IGDCC4: variants seen among roughly 807,000 people sequenced by gnomAD.
The protein encoded by IGDCC4 is immunoglobulin superfamily DCC subclass member 4.
A neutral mutation model predicts 116.6 loss-of-function variants in IGDCC4; 72 were observed. That is an observed-to-expected ratio of 0.62 (90% CI 0.51 to 0.75). IGDCC4 has a LOEUF of 0.75. Ranked by LOEUF, IGDCC4 falls within the 30% of genes least tolerant of loss-of-function variation. The pLI is 0.00. For missense variants in IGDCC4, 1,501 were observed against 1,662.4 expected, an observed-to-expected ratio of 0.90 and a Z score of 1.69; for synonymous variants, 709 against 719.9, an observed-to-expected ratio of 0.98 and a Z score of 0.24.
intron 16 of IGDCC4, among the ~76,000 whole-genome samples, chr15:65,387,865 T>G (rs761656348): frequency 1.9e-4 from 29 of 152,100 alleles, no homozygotes; most frequent in Non-Finnish European, 3.7e-4. Flanking sequence ...ATCCCAGCAC[T>G]TTGGGAGGAC....
intron 3 of IGDCC4, among the ~76,000 whole-genome samples, chr15:65,404,212 G>GA (rs1328363716): frequency 1.3e-5 from 2 of 152,136 alleles, no homozygotes; most frequent in African/African-American, 4.8e-5. Flanking sequence ...AGGACTTAGA[G>GA]AAAAAAAGCA....
At chr15:65,388,718 C>T in intron 15 of IGDCC4, 90 bp downstream of exon 15, 2 of 1,597,052 alleles carry the variant, frequency 1.3e-6, no homozygotes, top group East Asian at 2.2e-5. Flanking sequence ...CCCAGTAGCC[C>T]CTGGAACAAA....
chr15:65,400,698 G>A, intron 5 of IGDCC4, 108 bp downstream of exon 5: 1 of 1,382,514 alleles, frequency 7.2e-7, no homozygotes, highest in Non-Finnish European at 9.8e-7. Context: ...CACACCAGAA[G>A]GTTCGTGACC....
At chr15:65,408,025 C>T (rs2063056291) in intron 3 of IGDCC4, among the ~76,000 whole-genome samples, 1 of 152,126 alleles carries the variant, frequency 6.6e-6, no homozygotes, top group African/African-American at 2.4e-5. Context: ...CGCCTTGGCT[C>T]CCAAAGTGTT....
At position 65,385,712 on chromosome 15, in the gene IGDCC4, A is replaced by AG. The variant is rs1186530495; in HGVS notation, c.3180+118dup. 4.8e-6 allele frequency: 4 copies of AG among 841,636 alleles called. No homozygotes were observed. The East Asian group carries it at 9.9e-5, about 21-fold the overall frequency. The allele number at this position is 841,636 out of a possible 1,614,324, so 52.1% of individuals were successfully genotyped here. On this transcript the variant is annotated intron_variant, in intron 18 of 19. Coordinates refer to ENST00000352385, the MANE Select transcript of IGDCC4 (RefSeq NM_020962.3). ...TCCGTGGAGGAGGGAGAGAGGCCCT[A>AG]GCGTCCGCAGCCGGCTCCGAAGAGG...
intron 10 of IGDCC4, among the ~76,000 whole-genome samples, chr15:65,392,621 G>A (rs572215541): frequency 3.0e-4 from 46 of 152,122 alleles, no homozygotes; most frequent in Admixed American, 2.6e-4. Context: ...AGGGGTGTCC[G>A]CTGGGCATTT....
intron 6 of IGDCC4, 143 bp from the exon 7 acceptor site, chr15:65,396,306 A>C: frequency 2.3e-6 from 2 of 872,286 alleles, no homozygotes; most frequent in South Asian, 1.4e-5. Context: ...CACCCTTTCC[A>C]AACTACTCCG....
intron 1 of IGDCC4, among the ~76,000 whole-genome samples, chr15:65,420,110 C>T (rs189475094): frequency 6.6e-6 from 1 of 152,226 alleles, no homozygotes; most frequent in Non-Finnish European, 1.5e-5. Flanking sequence ...CCACACCTGG[C>T]CAACTTTTGT....
rs769406637 is a variant in IGDCC4, at chr15:65,386,639, A to G, written c.2863T>C (p.Ser955Pro). ...ACACCCACGATGATGCCCGTGACTG[A>G]GTGCATGTCCAGCGAGTCTGGTGGG... ...EKLSDSLDMH[S>P]VTGIIVGVCL... The change falls in exon 17 of 20, where the codon TCA becomes CCA. Residue 955 changes from serine to proline, a missense_variant. Physicochemically the swap from Ser to Pro is moderately conservative, Grantham distance 74. Transcript: ENST00000352385. The G allele has an allele frequency of 3.1e-5, 50 of 1,611,916 alleles. 1 individual carries two copies. In the South Asian group the frequency reaches 5.5e-4, roughly 18 times the overall value.
chr15:65,415,651 G>A (rs1350487085), intron 1 of IGDCC4, among the ~76,000 whole-genome samples: 3 of 152,176 alleles, frequency 2.0e-5, no homozygotes, highest in African/African-American at 7.2e-5. Context: ...CTGGGGAGGG[G>A]TCTCATCTCT....
chr15:65,397,069 C>G, intron 5 of IGDCC4, 80 bp from the exon 6 acceptor site: 1 of 1,494,948 alleles, frequency 6.7e-7, no homozygotes, highest in Non-Finnish European at 9.1e-7. Flanking sequence ...CAGGAACACT[C>G]TGCACCCGGA....
At chr15:65,390,466 C>A in intron 12 of IGDCC4, 128 bp from the exon 13 acceptor site, 6 of 678,496 alleles carry the variant, frequency 8.8e-6, no homozygotes, top group Non-Finnish European at 1.3e-5. Context: ...TGAGTGGCAT[C>A]ATTCCTACTT....
In IGDCC4 at chr15:65,411,367, T is replaced by C; in HGVS notation, c.74A>G (p.Glu25Gly). ...AGTCGTCTCCTGGGGCAACAGCAGC[T>C]CCCCTGCATAGAGGAGGAGCACGGG... ...LTFCLLAARG[E>G]LLLPQETTVE... The change falls in exon 2 of 20, where the codon GAG (glutamate) becomes GGG (glycine). Residue 25 changes from glutamate (E) to glycine (G), a missense_variant. Physicochemically the swap from Glu to Gly is moderately conservative, Grantham distance 98. Around this residue, in one of 3 missense-constraint regions of IGDCC4, gnomAD observed 898 missense variants for 978.9 expected, o/e 0.92. Coordinates refer to ENST00000352385, the MANE Select transcript of IGDCC4 (RefSeq NM_020962.3). 6.4e-7 allele frequency: 1 copy of C among 1,563,376 alleles called. No individual in the cohort carries two copies. Among genetic ancestry groups the C allele is most frequent in the Non-Finnish European group, 8.7e-7 (1 of 1,151,886 alleles).
At position 65,385,850 on chromosome 15, in the gene IGDCC4, C is replaced by T. The variant is rs1211965218; in HGVS notation, c.3161G>A (p.Arg1054Gln). 9.3e-6 allele frequency: 15 copies of T among 1,612,350 alleles called. No individual in the cohort carries two copies. The South Asian group carries it at 1.1e-4, about 12-fold the overall frequency. Residue 1054 changes from arginine (R) to glutamine (Q), a missense_variant, in exon 18 of 20, where the codon CGG becomes CAG. This residue lies in a region of IGDCC4 where 368 missense variants were observed against 355.6 expected (regional missense o/e 1.03). Transcript: ENST00000352385. ...ACTTACCTTTCTTTTGGAGTGACTC[C>T]GGCCTTCAGAAACACCGCCACCCAT... is the stretch of plus-strand genomic sequence containing the variant. ...SLMGGGVSEG[R>Q]SHSKRKISWA...
intron 1 of IGDCC4, among the ~76,000 whole-genome samples, chr15:65,421,780 C>T (rs1031568910): frequency 6.6e-6 from 1 of 151,976 alleles, no homozygotes; most frequent in African/African-American, 2.4e-5. Flanking sequence ...CCAGCCCATC[C>T]CCCTCCCAGC....
At chr15:65,385,523 G>T in intron 18 of IGDCC4, 1 of 549,076 alleles carries the variant, frequency 1.8e-6, no homozygotes. Flanking sequence ...CCCACACGGG[G>T]ATGTCTGGGT....
At chr15:65,415,014 C>T (rs1015981437) in intron 1 of IGDCC4, among the ~76,000 whole-genome samples, 9 of 152,194 alleles carry the variant, frequency 5.9e-5, no homozygotes, top group African/African-American at 2.2e-4. Flanking sequence ...TTTAAAGGCA[C>T]TTTGTAACTA....
In IGDCC4 at chr15:65,395,887, C is replaced by T; in HGVS notation, c.1274G>A (p.Arg425His). Reference sequence around the variant, plus strand: ...CGTGGGGGCGCTGGGCAGCCCCTCGCGCACCACCACGGCCAGCGACGCGGC... The same window carrying T: ...CGTGGGGGCGCTGGGCAGCCCCTCGTGCACCACCACGGCCAGCGACGCGGC... Reference protein sequence around the residue: ...CAAASLAVVVREGLPSAPTRV... With the variant: ...CAAASLAVVVHEGLPSAPTRV... Residue 425 changes from arginine (R) to histidine (H), a missense_variant, in exon 7 of 20, where the codon CGC becomes CAC. This residue lies in a region of IGDCC4 where 898 missense variants were observed against 978.9 expected (regional missense o/e 0.92). Transcript: ENST00000352385. The T allele has an allele frequency of 6.3e-7, 1 of 1,588,048 alleles. No homozygotes were observed. Among genetic ancestry groups the T allele is most frequent in the South Asian group, 1.1e-5 (1 of 89,080 alleles).
rs143877204 is a variant in IGDCC4 at position 65,411,101 on chromosome 15, C to A, written c.340G>T (p.Val114Phe). 1.3e-5 allele frequency: 21 copies of A among 1,614,098 alleles called. No individual in the cohort carries two copies. The highest frequency in any genetic ancestry group is 1.6e-4 in the Middle Eastern group (1 of 6,082). Residue 114 changes from valine (V) to phenylalanine (F), a missense_variant, in exon 2 of 20, where the codon GTC (valine) becomes TTC (phenylalanine). Physicochemically the swap from Val to Phe is conservative, Grantham distance 50. This residue lies in a region of IGDCC4 where 898 missense variants were observed against 978.9 expected (regional missense o/e 0.92). Transcript: ENST00000352385. ...AGGCACGAATAGTTGCCTTCAATGA[C>A]CCCCACAGCCTCAGGGACTGACTCG... ...SDESVPEAVG[V>F]IEGNYSCLAH... is the part of the protein sequence containing the mutation.
Sources: allele counts gnomAD v4.1 joint callset (sites outside exome capture counted in the v4.1 genomes callset), GRCh38; gene constraint gnomAD v4.1.1; regional missense constraint gnomAD v4.1.1; transcripts MANE v1.5; gene names NCBI Gene and HGNC (gene_info 2026-07-23, HGNC 2026-07-21).